Variants in TAFA1 observed in about 807,000 individuals in gnomAD.
The protein encoded by TAFA1 is chemokine-like protein TAFA-1.
Under a neutral mutation model 18.5 loss-of-function variants are expected in TAFA1, and 4 were observed. That is an observed-to-expected ratio of 0.22 (90% CI 0.11 to 0.49). TAFA1 has a LOEUF of 0.49. Among genes scored for constraint, TAFA1 ranks in the 20% least tolerant of loss-of-function variants. The probability of loss-of-function intolerance (pLI) is 0.98; values close to 1 mark genes in which losing one functional copy is unlikely to be tolerated. For missense variants in TAFA1, 147 were observed against 169.0 expected, an observed-to-expected ratio of 0.87 and a Z score of 0.72; for synonymous variants, 56 against 55.2, an observed-to-expected ratio of 1.01 and a Z score of -0.06.
chr3:68,164,601 C>T (rs1227902745), intron 2 of TAFA1, among the ~76,000 whole-genome samples: 2 of 150,494 alleles, frequency 1.3e-5, no homozygotes, highest in African/African-American at 4.9e-5. Context: ...GCCTCATGAT[C>T]TCATCTACCA....
At chr3:68,340,442 G>A (rs899253336) in intron 2 of TAFA1, among the ~76,000 whole-genome samples, 3 of 152,202 alleles carry the variant, frequency 2.0e-5, no homozygotes, top group Admixed American at 6.5e-5. Context: ...AAATGTAGAA[G>A]GCATTTGAAT....
At chr3:68,466,174 C>G (rs1410577925) in intron 3 of TAFA1, among the ~76,000 whole-genome samples, 1 of 152,000 alleles carries the variant, frequency 6.6e-6, no homozygotes, top group African/African-American at 2.4e-5. Context: ...TACTTCACTT[C>G]TCGGTAAAGC....
At chr3:68,452,551 A>G (rs573957228) in intron 3 of TAFA1, among the ~76,000 whole-genome samples, 173 of 151,746 alleles carry the variant, frequency 1.1e-3, no homozygotes, top group Non-Finnish European at 1.9e-3. Flanking sequence ...ACTAGCAAAC[A>G]AAAAACCTGG....
At chr3:68,370,337 T>TACACACACACACAC (rs2069662184) in intron 2 of TAFA1, among the ~76,000 whole-genome samples, 1 of 68,746 alleles carries the variant, frequency 1.5e-5, no homozygotes, top group Non-Finnish European at 2.6e-5. Flanking sequence ...TATATATATA[T>TACACACACACACAC]ATATATATAT....
chr3:68,232,123 C>T (rs1275125577), intron 2 of TAFA1, among the ~76,000 whole-genome samples: 1 of 152,156 alleles, frequency 6.6e-6, no homozygotes, highest in Non-Finnish European at 1.5e-5. Context: ...TAATTATTAA[C>T]TAAGGTCACC....
At chr3:68,433,756 A>G (rs919305372) in intron 3 of TAFA1, among the ~76,000 whole-genome samples, 1 of 152,154 alleles carries the variant, frequency 6.6e-6, no homozygotes, top group Non-Finnish European at 1.5e-5. Context: ...TTAACTTCAC[A>G]ATGTAATTTG....
chr3:68,176,391 A>G (rs1376086501), intron 2 of TAFA1, among the ~76,000 whole-genome samples: 1 of 152,162 alleles, frequency 6.6e-6, no homozygotes, highest in African/African-American at 2.4e-5. Context: ...CTGAGGCAAG[A>G]GGATTGCTTG....
chr3:68,069,204 T>C (rs1327594801), intron 2 of TAFA1, among the ~76,000 whole-genome samples: 1 of 152,130 alleles, frequency 6.6e-6, no homozygotes, highest in African/African-American at 2.4e-5. Flanking sequence ...TACCCGAGAC[T>C]GGGTAATTTA....
chr3:68,313,153 T>C (rs905213798), intron 2 of TAFA1, among the ~76,000 whole-genome samples: 9 of 152,148 alleles, frequency 5.9e-5, no homozygotes, highest in African/African-American at 2.2e-4. Context: ...AGCTACAAGA[T>C]GAGATTTGGG....
intron 2 of TAFA1, among the ~76,000 whole-genome samples, chr3:68,354,789 T>G (rs1016901649): frequency 1.3e-5 from 2 of 151,930 alleles, no homozygotes; most frequent in African/African-American, 2.4e-5. Flanking sequence ...CCAGAGGGGA[T>G]GAATGCTGCG....
At chr3:68,282,148 G>A (rs1575743841) in intron 2 of TAFA1, among the ~76,000 whole-genome samples, 1 of 152,118 alleles carries the variant, frequency 6.6e-6, no homozygotes, top group Non-Finnish European at 1.5e-5. Flanking sequence ...ACAGCAGCAT[G>A]GGGGTAACTG....
intron 3 of TAFA1, among the ~76,000 whole-genome samples, chr3:68,458,643 A>G (rs150385041): frequency 0.016 from 2,408 of 152,302 alleles, 22 homozygotes; most frequent in Middle Eastern, 0.034. Context: ...GATTCTCAAC[A>G]GGAAATAAAT....
chr3:68,243,054 A>G (rs983281123), intron 2 of TAFA1, among the ~76,000 whole-genome samples: 17 of 151,982 alleles, frequency 1.1e-4, no homozygotes, highest in African/African-American at 4.1e-4. Context: ...TAATCATACC[A>G]GTGAGCTTTA....
intron 2 of TAFA1, among the ~76,000 whole-genome samples, chr3:68,054,391 T>C (rs2064508326): frequency 6.6e-6 from 1 of 152,130 alleles, no homozygotes. Context: ...TCACTCCAGC[T>C]CCCCTTCACC....
At chr3:68,042,980 C>T (rs973857372) in intron 2 of TAFA1, among the ~76,000 whole-genome samples, 1 of 152,058 alleles carries the variant, frequency 6.6e-6, no homozygotes, top group Non-Finnish European at 1.5e-5. Context: ...CTCTACCTCA[C>T]GGGTTCAAGC....
intron 2 of TAFA1, among the ~76,000 whole-genome samples, chr3:68,259,329 G>T (rs941719918): frequency 6.6e-6 from 1 of 152,108 alleles, no homozygotes; most frequent in Non-Finnish European, 1.5e-5. Flanking sequence ...ACAAGAAAAG[G>T]GATTTAGTTT....
At chr3:68,250,665 C>A (rs2067178460) in intron 2 of TAFA1, 1 of 151,764 alleles carries the variant, frequency 6.6e-6, no homozygotes, top group African/African-American at 2.4e-5. Context: ...TTTTAGGTGA[C>A]CAGTCTCTAA....
intron 2 of TAFA1, among the ~76,000 whole-genome samples, chr3:68,264,032 C>G (rs1182267204): frequency 1.3e-5 from 2 of 152,088 alleles, no homozygotes; most frequent in East Asian, 3.9e-4. Flanking sequence ...TGGCTCATGC[C>G]TGCAATCCCA....
At chr3:68,313,448 C>T (rs1194120493) in intron 2 of TAFA1, among the ~76,000 whole-genome samples, 1 of 152,102 alleles carries the variant, frequency 6.6e-6, no homozygotes, top group Non-Finnish European at 1.5e-5. Context: ...AAAGAACAGT[C>T]TTTACTTTCA....
Sources: allele counts gnomAD v4.1 joint callset (sites outside exome capture counted in the v4.1 genomes callset), GRCh38; gene constraint gnomAD v4.1.1; transcripts MANE v1.5; gene names NCBI Gene and HGNC (gene_info 2026-07-23, HGNC 2026-07-21).